The following ZBTB38 variants were observed in gnomAD, a reference collection of about 807,000 sequenced individuals.
ZBTB38 encodes zinc finger and BTB domain containing 38, also known as zinc finger and BTB domain-containing protein 38.
In ZBTB38, 20 loss-of-function variants were observed where a neutral mutation model predicts 76.8. The observed-to-expected ratio is 0.26, with a 90% CI of 0.18 to 0.38. The LOEUF (loss-of-function observed/expected upper bound fraction) is 0.38, where lower values mean the gene tolerates loss of function less well. Among genes scored for constraint, ZBTB38 ranks in the 10% least tolerant of loss-of-function variants. The pLI, the probability that ZBTB38 is intolerant of heterozygous loss-of-function variation, is 1.00. For missense variants in ZBTB38, 1,082 were observed against 1,482.3 expected, an observed-to-expected ratio of 0.73 and a Z score of 4.43; for synonymous variants, 504 against 544.2, an observed-to-expected ratio of 0.93 and a Z score of 1.03.
At chr3:141,409,106 C>T (rs899835273) in intron 5 of ZBTB38, among the ~76,000 whole-genome samples, 11 of 152,126 alleles carry the variant, frequency 7.2e-5, no homozygotes, top group Admixed American at 2.0e-4. Context: ...AGTGCAGTGG[C>T]GCTATCTCAG....
At chr3:141,398,230 G>T (rs1950811757) in intron 4 of ZBTB38, among the ~76,000 whole-genome samples, 1 of 152,220 alleles carries the variant, frequency 6.6e-6, no homozygotes. Flanking sequence ...CTATTGGCCA[G>T]ATTCAGTCCA....
intron 1 of ZBTB38, among the ~76,000 whole-genome samples, chr3:141,341,599 G>C (rs547639347): frequency 1.1e-4 from 16 of 152,324 alleles, no homozygotes; most frequent in African/African-American, 3.6e-4. Context: ...GAAAAGACAA[G>C]TAGCAAAGGA....
In ZBTB38 at chr3:141,445,032, G is replaced by A. The variant is rs760080658; in HGVS notation, c.2644G>A (p.Glu882Lys). 1.2e-6 allele frequency: 2 copies of A among 1,614,210 alleles called. No individual in the cohort carries two copies. Among genetic ancestry groups the A allele is most frequent in the Non-Finnish European group, 1.7e-6 (2 of 1,180,040 alleles). Residue 882 changes from glutamate to lysine, a missense_variant, in exon 6 of 6, where the codon GAA becomes AAA. Physicochemically the swap from Glu to Lys is moderately conservative, Grantham distance 56. This residue lies in a region of ZBTB38 where 471 missense variants were observed against 581.0 expected (regional missense o/e 0.81). Coordinates refer to ENST00000321464, the MANE Select transcript of ZBTB38 (RefSeq NM_001376113.1). The surrounding 1 kb of genome is among the most constrained non-coding windows in gnomAD (Gnocchi z 6.5). ...EEPLPQGNDPEPSGDSPLGLC... is the reference protein window; with the variant it reads ...EEPLPQGNDPKPSGDSPLGLC... ...GCCTTTGCCACAGGGGAATGACCCA[G>A]AACCCAGTGGAGACAGCCCACTCGG...
chr3:141,352,131 G>A (rs939104373), intron 1 of ZBTB38, among the ~76,000 whole-genome samples: 3 of 152,060 alleles, frequency 2.0e-5, no homozygotes, highest in East Asian at 3.8e-4. Flanking sequence ...GGGGAGCAGG[G>A]GAGGCAGATA....
rs2080484756 is a variant in ZBTB38 at position 141,442,418 on chromosome 3, C to T, written c.30C>T (p.Leu10=). Residue 10 remains leucine (L), a synonymous_variant, in exon 6 of 6, where the codon CTC becomes CTT. Coordinates refer to ENST00000321464, the MANE Select transcript of ZBTB38 (RefSeq NM_001376113.1). This position sits in a 1 kb window ranked among gnomAD's most constrained non-coding sequence, Gnocchi z 6.4. MTVMSLSRD[L]KDDFHSDTVL... ...CAGTCATGTCCCTTTCCAGGGACCT[C>T]AAGGACGACTTTCACAGTGACACGG... The T allele has an allele frequency of 2.5e-6, 4 of 1,613,882 alleles. No individual in the cohort carries two copies. Among genetic ancestry groups the T allele is most frequent in the Non-Finnish European group, 3.4e-6 (4 of 1,179,822 alleles).
At position 141,444,169 on chromosome 3, in the gene ZBTB38, A is replaced by G. The variant is rs1313120111; in HGVS notation, c.1781A>G (p.Gln594Arg). The G allele has an allele frequency of 6.2e-7, 1 of 1,614,164 alleles. No individual in the cohort carries two copies. Among genetic ancestry groups the G allele is most frequent in the East Asian group, 2.2e-5 (1 of 44,894 alleles). ...TATGAAAATGCACGAGAAAACAGTC[A>G]AATGAATGAGTCTGCACCTGGTACC... is the stretch of plus-strand genomic sequence containing the variant. ...SSYENARENS[Q>R]MNESAPGTYV... The change falls in exon 6 of 6, where the codon CAA (glutamine) becomes CGA (arginine). Residue 594 changes from glutamine (Q) to arginine (R), a missense_variant. Coordinates refer to ENST00000321464, the MANE Select transcript of ZBTB38 (RefSeq NM_001376113.1). The surrounding 1 kb of genome is among the most constrained non-coding windows in gnomAD (Gnocchi z 5.1).
upstream of ZBTB38, chr3:141,366,597 C>T (rs947929582): frequency 2.0e-5 from 3 of 152,320 alleles, no homozygotes; most frequent in Admixed American, 6.5e-5. Context: ...AAGTGCAATT[C>T]CTCAGAGTGG....
upstream of ZBTB38, among the ~76,000 whole-genome samples, chr3:141,365,213 AG>A (rs1242320278): frequency 6.6e-6 from 1 of 152,248 alleles, no homozygotes; most frequent in Admixed American, 6.5e-5. Context: ...GGGCATAAAA[AG>A]GAAAGAAGTA....
chr3:141,330,659 A>C (rs1044298656), intron 1 of ZBTB38, among the ~76,000 whole-genome samples: 3 of 152,212 alleles, frequency 2.0e-5, no homozygotes, highest in African/African-American at 7.2e-5. Context: ...CTCAAAATTC[A>C]CGTGGAAACT....
intron 5 of ZBTB38, among the ~76,000 whole-genome samples, chr3:141,437,235 A>G (rs560753550): frequency 3.4e-4 from 52 of 152,276 alleles, no homozygotes; most frequent in African/African-American, 1.2e-3. Flanking sequence ...TCTTGAGGGC[A>G]TGAAACTCTG....
chr3:141,439,608 T>A (rs2079631592), intron 5 of ZBTB38, among the ~76,000 whole-genome samples: 1 of 152,214 alleles, frequency 6.6e-6, no homozygotes, highest in Admixed American at 6.5e-5. Context: ...GAGTGTTCAT[T>A]AGCCTGATTT....
At chr3:141,364,871 A>G (rs1282848615), upstream of ZBTB38, among the ~76,000 whole-genome samples, 1 of 152,152 alleles carries the variant, frequency 6.6e-6, no homozygotes, top group Non-Finnish European at 1.5e-5. Flanking sequence ...GGATGGCTAT[A>G]ATAAAAAAGA....
chr3:141,351,051 A>C (rs1016540514), intron 1 of ZBTB38, among the ~76,000 whole-genome samples: 1 of 152,238 alleles, frequency 6.6e-6, no homozygotes. Flanking sequence ...AAAAATTTAT[A>C]TTATAAAACG....
At chr3:141,400,142 T>TAGTTCCCC (rs1383571928) in intron 4 of ZBTB38, among the ~76,000 whole-genome samples, 17 of 152,234 alleles carry the variant, frequency 1.1e-4, no homozygotes, top group African/African-American at 4.1e-4. Flanking sequence ...AATTTCCAGA[T>TAGTTCCCC]AGTTCCCCAT....
intron 1 of ZBTB38, among the ~76,000 whole-genome samples, chr3:141,333,046 G>C (rs1461445709): frequency 6.6e-6 from 1 of 152,138 alleles, no homozygotes; most frequent in African/African-American, 2.4e-5. Flanking sequence ...TTTGCATTTT[G>C]GGTCTCAAGA....
At chr3:141,390,912 T>C (rs1374437639) in intron 4 of ZBTB38, among the ~76,000 whole-genome samples, 1 of 152,128 alleles carries the variant, frequency 6.6e-6, no homozygotes, top group Non-Finnish European at 1.5e-5. Context: ...CCCAACACTT[T>C]GGGAAGCCAA....
chr3:141,380,372 G>A (rs1259083484), intron 2 of ZBTB38, among the ~76,000 whole-genome samples: 1 of 152,168 alleles, frequency 6.6e-6, no homozygotes, highest in Non-Finnish European at 1.5e-5. Context: ...AAGCACTGTG[G>A]TCTGCTTGCC....
chr3:141,367,700 T>A (rs530269136), upstream of ZBTB38: 1 of 152,368 alleles, frequency 6.6e-6, no homozygotes, highest in East Asian at 1.9e-4. Context: ...TTTCTTTCTC[T>A]ATAGCATTAG....
chr3:141,336,431 G>T (rs888455549), intron 1 of ZBTB38, among the ~76,000 whole-genome samples: 4 of 152,060 alleles, frequency 2.6e-5, no homozygotes, highest in Admixed American at 6.6e-5. Flanking sequence ...GGGCATCTCA[G>T]TAGTTCAAAC....
Sources: allele counts gnomAD v4.1 joint callset (sites outside exome capture counted in the v4.1 genomes callset), GRCh38; gene constraint gnomAD v4.1.1; regional missense constraint gnomAD v4.1.1; non-coding constraint Gnocchi (gnomAD v3.1); transcripts MANE v1.5; gene names NCBI Gene and HGNC (gene_info 2026-07-23, HGNC 2026-07-21).